SEMA6D: variants seen among roughly 807,000 people sequenced by gnomAD.
SEMA6D encodes the protein semaphorin-6D.
A neutral mutation model predicts 106.6 loss-of-function variants in SEMA6D; 35 were observed. The ratio of observed to expected loss-of-function variants is 0.33; its 90% CI spans 0.25 to 0.44. SEMA6D has a LOEUF of 0.44. Ranked by LOEUF, SEMA6D falls within the 20% of genes least tolerant of loss-of-function variation. The probability of loss-of-function intolerance (pLI) is 1.00; values close to 1 mark genes in which losing one functional copy is unlikely to be tolerated. For missense variants in SEMA6D, 1,185 were observed against 1,345.9 expected (o/e 0.88, Z 1.87); for synonymous variants, 499 against 487.7 (o/e 1.02, Z -0.31).
chr15:47,483,890 T>C (rs2043221745), intron 3 of SEMA6D, among the ~76,000 whole-genome samples: 1 of 152,100 alleles, frequency 6.6e-6, no homozygotes, highest in Non-Finnish European at 1.5e-5. Context: ...GGAGCTTCTT[T>C]GGTTTGCTGA....
intron 3 of SEMA6D, among the ~76,000 whole-genome samples, chr15:47,549,455 G>C (rs1011998984): frequency 1.3e-5 from 2 of 152,094 alleles, no homozygotes; most frequent in Non-Finnish European, 2.9e-5. Flanking sequence ...CTGTGAAACT[G>C]CTCTCAGGGC....
At chr15:47,552,261 A>G (rs1479470783) in intron 3 of SEMA6D, among the ~76,000 whole-genome samples, 1 of 152,120 alleles carries the variant, frequency 6.6e-6, no homozygotes. Flanking sequence ...ACAAAATTAT[A>G]TATGCACCAT....
At chr15:47,401,675 C>G (rs988225197) in intron 1 of SEMA6D, among the ~76,000 whole-genome samples, 1 of 152,168 alleles carries the variant, frequency 6.6e-6, no homozygotes, top group East Asian at 1.9e-4. Flanking sequence ...GTAAGCTCTT[C>G]CCTGCCCAGT....
intron 4 of SEMA6D, among the ~76,000 whole-genome samples, chr15:47,670,141 C>T (rs559289432): frequency 6.6e-6 from 1 of 152,306 alleles, no homozygotes; most frequent in East Asian, 1.9e-4. Context: ...CTCCTCTTGG[C>T]CACCCTGGCG....
chr15:47,509,898 C>T (rs1032507468), intron 3 of SEMA6D, among the ~76,000 whole-genome samples: 4 of 152,188 alleles, frequency 2.6e-5, no homozygotes, highest in Non-Finnish European at 1.5e-5. Flanking sequence ...CCAATGCGTG[C>T]CAACATTTGA....
At position 47,384,814 on chromosome 15, in the gene SEMA6D, G is replaced by GTTTTTTTTTT. The variant is rs1168068495; in HGVS notation, c.-238-27557_-238-27548dup. 3.8e-4 allele frequency among the ~76,000 whole-genome samples: 25 copies of GTTTTTTTTTT among 65,692 alleles called. 1 individual carries two copies. The highest frequency in any genetic ancestry group is 6.9e-4 in the East Asian group (1 of 1,442). The allele number at this position is 65,692 out of a possible 152,430, so 43.1% of individuals were successfully genotyped here. A position where few individuals can be genotyped will look rare whatever the true frequency, so the allele number is the denominator to read the frequency against. Reference sequence around the variant, plus strand: ...TCAGAATTAACATTTGATTACTAAAGTTTTTTTTTTTTTTTTTTTTTTTTT... The same window carrying GTTTTTTTTTT: ...TCAGAATTAACATTTGATTACTAAAGTTTTTTTTTTTTTTTTTTTTTTTTTTTTTTTTTTT... On this transcript the variant is annotated intron_variant, in intron 1 of 19. Transcript: ENST00000558014.
intron 1 of SEMA6D, among the ~76,000 whole-genome samples, chr15:47,227,937 T>TTA (rs1387865358): frequency 7.0e-6 from 1 of 143,292 alleles, no homozygotes; most frequent in Non-Finnish European, 1.5e-5. Flanking sequence ...TATAAGAATC[T>TTA]TATATATATT....
intron 1 of SEMA6D, among the ~76,000 whole-genome samples, chr15:47,323,939 G>T (rs1381058876): frequency 6.7e-6 from 1 of 149,094 alleles, no homozygotes; most frequent in Non-Finnish European, 1.5e-5. Context: ...GGAAAGAAAA[G>T]AAAGACAGTA....
At chr15:47,365,874 A>AGAGAGAGAGAGAGG (rs1379762738) in intron 1 of SEMA6D, among the ~76,000 whole-genome samples, 1 of 127,792 alleles carries the variant, frequency 7.8e-6, no homozygotes, top group Non-Finnish European at 1.6e-5. Flanking sequence ...GAAAGAAAGA[A>AGAGAGAGAGAGAGG]AGAGAGAGAG....
chr15:47,407,515 T>A (rs2040635815), intron 1 of SEMA6D, among the ~76,000 whole-genome samples: 1 of 152,140 alleles, frequency 6.6e-6, no homozygotes, highest in African/African-American at 2.4e-5. Flanking sequence ...AGGCTGTCGT[T>A]GTTACAAAAA....
intron 4 of SEMA6D, among the ~76,000 whole-genome samples, chr15:47,628,229 T>C (rs2077235567): frequency 6.6e-6 from 1 of 152,114 alleles, no homozygotes; most frequent in African/African-American, 2.4e-5. Context: ...ATTATGGGCA[T>C]TCATACATGG....
chr15:47,568,506 A>G (rs1483767536), intron 3 of SEMA6D, among the ~76,000 whole-genome samples: 1 of 152,206 alleles, frequency 6.6e-6, no homozygotes, highest in African/African-American at 2.4e-5. Flanking sequence ...ATTACATTAC[A>G]TTAATTTTAT....
chr15:47,607,023 T>C (rs2076795467), intron 4 of SEMA6D, among the ~76,000 whole-genome samples: 1 of 152,182 alleles, frequency 6.6e-6, no homozygotes, highest in Non-Finnish European at 1.5e-5. Context: ...ATGATCTACA[T>C]TGAACCTTCT....
intron 1 of SEMA6D, among the ~76,000 whole-genome samples, chr15:47,337,339 A>G (rs1419412090): frequency 2.0e-5 from 3 of 152,126 alleles, no homozygotes. Flanking sequence ...CAAAAAAGAG[A>G]ACGTTGATGG....
Position 47,331,607 on chromosome 15 carries a change from A to G in SEMA6D, c.-238-80786A>G, listed in dbSNP as rs1035163274. On this transcript the variant is annotated intron_variant, in intron 1 of 19. Transcript: ENST00000558014. ...TGCATAAACATGTGGGTGTGGAGAC[A>G]GAATTATTTAAAGAAATGCAACAAA... Among the ~76,000 whole-genome samples the G allele has an allele frequency of 1.3e-5, 2 of 151,880 alleles. 1 individual carries two copies. Among genetic ancestry groups the G allele is most frequent in the African/African-American group, 4.8e-5 (2 of 41,354 alleles).
chr15:47,238,439 T>A (rs2032694588), intron 1 of SEMA6D, among the ~76,000 whole-genome samples: 1 of 152,082 alleles, frequency 6.6e-6, no homozygotes, highest in South Asian at 2.1e-4. Flanking sequence ...TCTAATTTTC[T>A]CACATATAGC....
At chr15:47,349,295 CAGAGA>C (rs2038214243) in intron 1 of SEMA6D, among the ~76,000 whole-genome samples, 1 of 152,146 alleles carries the variant, frequency 6.6e-6, no homozygotes, top group African/African-American at 2.4e-5. Flanking sequence ...ATTTCATCAT[CAGAGA>C]ATGCTCCTTG....
intron 3 of SEMA6D, among the ~76,000 whole-genome samples, chr15:47,487,116 T>C (rs8031867): frequency 0.13 from 19,626 of 152,188 alleles, 3,801 homozygotes; most frequent in African/African-American, 0.42. Context: ...AATACATTCT[T>C]TTCGTAAAGA....
intron 1 of SEMA6D, among the ~76,000 whole-genome samples, chr15:47,252,622 C>T: frequency 6.6e-6 from 1 of 152,184 alleles, no homozygotes; most frequent in Non-Finnish European, 1.5e-5. Flanking sequence ...TTCCTAGATT[C>T]CATATGTATG....
Sources: allele counts gnomAD v4.1 joint callset (sites outside exome capture counted in the v4.1 genomes callset), GRCh38; gene constraint gnomAD v4.1.1; transcripts MANE v1.5; gene names NCBI Gene and HGNC (gene_info 2026-07-23, HGNC 2026-07-21).